Variants in MECOM observed in about 807,000 individuals in gnomAD.
MECOM encodes MDS1 and EVI1 complex locus, also known as histone-lysine N-methyltransferase MECOM.
Under a neutral mutation model 116.3 loss-of-function variants are expected in MECOM, and 13 were observed. The observed-to-expected ratio is 0.11, with a 90% CI of 0.07 to 0.18. The LOEUF is 0.18. MECOM is among the 10% of genes least tolerant of loss of function. The probability of loss-of-function intolerance (pLI) is 1.00; values close to 1 mark genes in which losing one functional copy is unlikely to be tolerated. For missense variants in MECOM, 1,299 were observed against 1,509.0 expected (o/e 0.86, Z 2.31); for synonymous variants, 528 against 535.2 (o/e 0.99, Z 0.19).
chr3:169,472,942 C>A (rs1268741913), intron 1 of MECOM: 2 of 979,754 alleles, frequency 2.0e-6, no homozygotes, highest in Non-Finnish European at 2.4e-6. Flanking sequence ...TACTAGGCCC[C>A]TACTTTGTCC....
At chr3:169,125,447 C>T (rs978849032) in intron 5 of MECOM, among the ~76,000 whole-genome samples, 1 of 152,028 alleles carries the variant, frequency 6.6e-6, no homozygotes, top group East Asian at 1.9e-4. Context: ...AAAGCTTGGC[C>T]TATATGTTGA....
chr3:169,520,616 A>G (rs1757223368), intron 1 of MECOM, among the ~76,000 whole-genome samples: 1 of 152,238 alleles, frequency 6.6e-6, no homozygotes. Context: ...TAATGCTTTC[A>G]AAAATGAAAT....
chr3:169,658,199 C>T (rs1009613634), intron 1 of MECOM, among the ~76,000 whole-genome samples: 2 of 152,190 alleles, frequency 1.3e-5, no homozygotes, highest in Non-Finnish European at 2.9e-5. Context: ...GAAAAGCAGA[C>T]CCCACAGACC....
intron 2 of MECOM, among the ~76,000 whole-genome samples, chr3:169,180,140 C>T (rs1382600783): frequency 6.6e-6 from 1 of 152,160 alleles, no homozygotes; most frequent in Admixed American, 6.5e-5. Context: ...CAATTATTTT[C>T]CTCTCTTTCC....
chr3:169,341,395 G>T (rs1724481214), intron 2 of MECOM, among the ~76,000 whole-genome samples: 1 of 150,092 alleles, frequency 6.7e-6, no homozygotes, highest in South Asian at 2.1e-4. Flanking sequence ...GGGTAGTGGG[G>T]AGGTTGGCGG....
In MECOM at chr3:169,390,193, C is replaced by T. The variant is rs142571058; in HGVS notation, c.38-8669G>A. ...CAAGTTCATCCCCAGGTCCATTCCA[C>T]TCAAGCAATCCCAGTTCTACATAGT... On this transcript the variant is annotated intron_variant, in intron 1 of 16. Coordinates refer to ENST00000651503, the MANE Select transcript of MECOM (RefSeq NM_004991.4). 3.2e-4 allele frequency among the ~76,000 whole-genome samples: 49 copies of T among 152,282 alleles called. 1 individual carries two copies. The highest frequency in any genetic ancestry group is 1.2e-3 in the African/African-American group (48 of 41,560).
chr3:169,400,473 T>C (rs773454465), intron 1 of MECOM, among the ~76,000 whole-genome samples: 45 of 152,334 alleles, frequency 3.0e-4, no homozygotes, highest in Non-Finnish European at 5.1e-4. Flanking sequence ...TACATTTGTT[T>C]GATTGAGCCG....
At chr3:169,383,159 C>A (rs1732762396) in intron 1 of MECOM, among the ~76,000 whole-genome samples, 1 of 152,108 alleles carries the variant, frequency 6.6e-6, no homozygotes, top group African/African-American at 2.4e-5. Context: ...ACTCCTGTCT[C>A]TTAAAGTTTT....
chr3:169,513,729 C>T (rs1756268473), intron 1 of MECOM, among the ~76,000 whole-genome samples: 1 of 152,140 alleles, frequency 6.6e-6, no homozygotes, highest in Non-Finnish European at 1.5e-5. Context: ...TATTTTAGTA[C>T]TAAGTACAAT....
chr3:169,639,830 T>C (rs537744797), intron 1 of MECOM, among the ~76,000 whole-genome samples: 7 of 152,338 alleles, frequency 4.6e-5, no homozygotes, highest in African/African-American at 1.7e-4. Context: ...ACATGCACTA[T>C]ATCAGTCAGA....
At chr3:169,617,597 C>T (rs141490330) in intron 1 of MECOM, among the ~76,000 whole-genome samples, 1 of 152,252 alleles carries the variant, frequency 6.6e-6, no homozygotes, top group Non-Finnish European at 1.5e-5. Flanking sequence ...GAGCAACAAC[C>T]AAAGCAGAGT....
In MECOM at chr3:169,222,377, C is replaced by T. The variant is rs1752236521; in HGVS notation, c.376-78545G>A. ...CAGTACCTTGTTACAGCCTCTTATT[C>T]CTGCCATTAGACAACAGTGAAGCCC... On this transcript the variant is annotated intron_variant, in intron 2 of 16. Coordinates refer to ENST00000651503, the MANE Select transcript of MECOM (RefSeq NM_004991.4). 1.3e-5 allele frequency among the ~76,000 whole-genome samples: 2 copies of T among 152,182 alleles called. 1 individual carries two copies. The highest frequency in any genetic ancestry group is 4.1e-4 in the South Asian group (2 of 4,828).
intron 1 of MECOM, among the ~76,000 whole-genome samples, chr3:169,660,824 T>C (rs1317489963): frequency 6.6e-6 from 1 of 152,222 alleles, no homozygotes; most frequent in Non-Finnish European, 1.5e-5. Flanking sequence ...TATGATTTCC[T>C]TTATTACCCA....
At chr3:169,500,669 T>C (rs772561566) in intron 1 of MECOM, among the ~76,000 whole-genome samples, 4 of 151,958 alleles carry the variant, frequency 2.6e-5, no homozygotes, top group Non-Finnish European at 4.4e-5. Context: ...ACCCATCTTA[T>C]AAGGATTTAA....
intron 1 of MECOM, among the ~76,000 whole-genome samples, chr3:169,471,712 C>G (rs2108788567): frequency 6.6e-6 from 1 of 152,322 alleles, no homozygotes; most frequent in South Asian, 2.1e-4. Context: ...CTCCTGGCTC[C>G]TCATCACAAT....
intron 2 of MECOM, among the ~76,000 whole-genome samples, chr3:169,345,832 G>A (rs1011476234): frequency 3.9e-5 from 6 of 152,036 alleles, no homozygotes; most frequent in African/African-American, 1.2e-4. Flanking sequence ...TTTACATAAC[G>A]ACATGGCACG....
rs1415413079 is a variant in MECOM, at chr3:169,127,846, T to C, written c.828A>G (p.Gln276=). ...KECDQVFPDL[Q]SLEKHMLSHT... is the part of the protein sequence containing the mutation. ...TGGTACAACATGCCATTTCTAACCTTTGCAAATCAGGAAAAACTTGGTCAC... is the reference window on the plus strand; with the variant it reads ...TGGTACAACATGCCATTTCTAACCTCTGCAAATCAGGAAAAACTTGGTCAC... The change falls in exon 5 of 17, where the codon CAA becomes CAG. Residue 276 remains glutamine (Q), a splice_region_variant and synonymous_variant. Transcript: ENST00000651503. The C allele has an allele frequency of 3.7e-6, 6 of 1,612,992 alleles. No individual in the cohort carries two copies. The African/African-American group carries it at 8.0e-5, about 22-fold the overall frequency.
At chr3:169,156,486 A>C (rs1204364388) in intron 2 of MECOM, among the ~76,000 whole-genome samples, 1 of 152,244 alleles carries the variant, frequency 6.6e-6, no homozygotes, top group Admixed American at 6.5e-5. Flanking sequence ...GTCATAAATA[A>C]ATAAAGACAA....
At position 169,107,943 on chromosome 3, in the gene MECOM, G is replaced by A. The variant is rs1197899617; in HGVS notation, c.2587C>T (p.Pro863Ser). 3 of 1,612,504 alleles carry A rather than the reference G, an allele frequency of 1.9e-6. No homozygotes were observed. The highest frequency in any genetic ancestry group is 1.3e-5 in the African/African-American group (1 of 74,866). The change falls in exon 10 of 17, where the codon CCT becomes TCT. Residue 863 changes from proline to serine, a missense_variant. Pro to Ser is a moderately conservative substitution (Grantham distance 74, BLOSUM62 -1). This residue lies in a region of MECOM where 340 missense variants were observed against 312.6 expected (regional missense o/e 1.09). Coordinates refer to ENST00000651503, the MANE Select transcript of MECOM (RefSeq NM_004991.4). ...AAACTTACCCAAGTTCTCTGATCAG[G>A]CAGTTGGAACTGGGAGCAAAATTGA... ...GFLFHPQFQLPDQRTWMSAIE... is the reference protein window; with the variant it reads ...GFLFHPQFQLSDQRTWMSAIE...
Sources: gnomAD v4.1 joint callset for allele counts (sites outside exome capture counted in the v4.1 genomes callset) on GRCh38, gnomAD v4.1.1 for gene constraint, gnomAD v4.1.1 regional missense constraint, MANE v1.5 for transcripts, NCBI Gene and HGNC (gene_info 2026-07-23, HGNC 2026-07-21) for gene names.